Variants in ARHGAP24 observed in about 807,000 individuals in gnomAD.
ARHGAP24 encodes Rho GTPase activating protein 24.
In ARHGAP24, 50 loss-of-function variants were observed where a neutral mutation model predicts 76.4. The observed-to-expected ratio is 0.65, with a 90% CI of 0.52 to 0.83. The LOEUF (loss-of-function observed/expected upper bound fraction) is 0.83, where lower values mean the gene tolerates loss of function less well. Ranked by LOEUF, ARHGAP24 falls within the 40% of genes least tolerant of loss-of-function variation. The pLI is 0.00. For missense variants in ARHGAP24, 930 were observed against 914.2 expected (o/e 1.02, Z -0.22); for synonymous variants, 345 against 323.3 (o/e 1.07, Z -0.72).
intron 3 of ARHGAP24, among the ~76,000 whole-genome samples, chr4:85,899,046 T>C (rs925110278): frequency 6.6e-6 from 1 of 152,202 alleles, no homozygotes; most frequent in Non-Finnish European, 1.5e-5. Flanking sequence ...GCCCAGCCTG[T>C]GTATACATTT....
At chr4:85,504,224 C>G (rs945934453) in intron 1 of ARHGAP24, among the ~76,000 whole-genome samples, 9 of 152,120 alleles carry the variant, frequency 5.9e-5, no homozygotes, top group African/African-American at 1.2e-4. Flanking sequence ...CTGTAGATGT[C>G]TATTAGGTCT....
chr4:85,625,367 T>C (rs1479452115), intron 2 of ARHGAP24, among the ~76,000 whole-genome samples: 2 of 152,202 alleles, frequency 1.3e-5, no homozygotes, highest in Admixed American at 6.5e-5. Flanking sequence ...TCAGTTTCCA[T>C]GTAGTTGAGC....
At chr4:85,980,085 G>C (rs762388808) in intron 8 of ARHGAP24, among the ~76,000 whole-genome samples, 1 of 152,078 alleles carries the variant, frequency 6.6e-6, no homozygotes, top group Non-Finnish European at 1.5e-5. Context: ...CCTGGAATCA[G>C]TCAATTTCCA....
intron 3 of ARHGAP24, among the ~76,000 whole-genome samples, chr4:85,868,019 A>G (rs1901677): frequency 0.99 from 150,201 of 151,308 alleles, 74,563 homozygotes; most frequent in Middle Eastern, 1. Flanking sequence ...AGCCTCAGGA[A>G]GTCCTAAGAA....
intron 2 of ARHGAP24, among the ~76,000 whole-genome samples, chr4:85,633,226 C>T (rs1041891184): frequency 2.0e-5 from 3 of 151,828 alleles, no homozygotes; most frequent in Non-Finnish European, 2.9e-5. Context: ...CTCTCTTGCC[C>T]TCTTGATATG....
intron 2 of ARHGAP24, among the ~76,000 whole-genome samples, chr4:85,595,807 A>G (rs185212530): frequency 1.3e-5 from 2 of 152,190 alleles, no homozygotes; most frequent in East Asian, 1.9e-4. Flanking sequence ...AAGGAGTCTG[A>G]TAACTAATGC....
intron 2 of ARHGAP24, among the ~76,000 whole-genome samples, chr4:85,596,157 G>T (rs1326941262): frequency 6.6e-6 from 1 of 151,896 alleles, no homozygotes; most frequent in African/African-American, 2.4e-5. Flanking sequence ...ATGATGAGTA[G>T]AAACCAAATA....
intron 3 of ARHGAP24, among the ~76,000 whole-genome samples, chr4:85,865,292 G>C (rs1478077733): frequency 3.3e-5 from 5 of 151,746 alleles, no homozygotes; most frequent in Non-Finnish European, 7.4e-5. Flanking sequence ...CTAAAATTTT[G>C]TGAGTTGGCA....
intron 1 of ARHGAP24, among the ~76,000 whole-genome samples, chr4:85,545,913 A>G (rs1725904778): frequency 6.6e-6 from 1 of 152,204 alleles, no homozygotes; most frequent in Admixed American, 6.5e-5. Flanking sequence ...ATTCTACACT[A>G]GAAATTACAT....
intron 3 of ARHGAP24, among the ~76,000 whole-genome samples, chr4:85,764,296 C>G (rs1036631544): frequency 6.6e-6 from 1 of 152,026 alleles, no homozygotes; most frequent in Non-Finnish European, 1.5e-5. Context: ...TGTGAGGGCT[C>G]TCGTGTGGCA....
chr4:85,801,520 T>A (rs1234921192), intron 3 of ARHGAP24, among the ~76,000 whole-genome samples: 1 of 152,260 alleles, frequency 6.6e-6, no homozygotes, highest in Non-Finnish European at 1.5e-5. Flanking sequence ...AATTGAAATA[T>A]GTATATTTAC....
intron 5 of ARHGAP24, among the ~76,000 whole-genome samples, chr4:85,965,545 T>G (rs1346594090): frequency 6.6e-6 from 1 of 152,128 alleles, no homozygotes. Flanking sequence ...TGTTCAGATT[T>G]AAACTCGTGA....
chr4:85,627,193 T>A (rs540597318), intron 2 of ARHGAP24, among the ~76,000 whole-genome samples: 5 of 152,128 alleles, frequency 3.3e-5, no homozygotes, highest in Admixed American at 6.6e-5. Flanking sequence ...TTTTTCCCCA[T>A]CTTTGTGGTT....
At chr4:85,851,777 C>T (rs534936073) in intron 3 of ARHGAP24, among the ~76,000 whole-genome samples, 1 of 152,238 alleles carries the variant, frequency 6.6e-6, no homozygotes, top group African/African-American at 2.4e-5. Flanking sequence ...AATATTGGCC[C>T]CCACTCTCAT....
chr4:85,742,003 T>G (rs1239852040), intron 3 of ARHGAP24, among the ~76,000 whole-genome samples: 1 of 152,174 alleles, frequency 6.6e-6, no homozygotes, highest in African/African-American at 2.4e-5. Flanking sequence ...TGAAAGTCTG[T>G]GTTCTATTTG....
intron 3 of ARHGAP24, among the ~76,000 whole-genome samples, chr4:85,907,708 A>G (rs1734846951): frequency 6.6e-6 from 1 of 152,206 alleles, no homozygotes; most frequent in Non-Finnish European, 1.5e-5. Context: ...TTCCCTCATT[A>G]GACAGTAGAT....
At position 85,995,451 on chromosome 4, in the gene ARHGAP24, C is replaced by T. The variant is rs376980240; in HGVS notation, c.1797C>T (p.Asp599=). The T allele has an allele frequency of 4.4e-5, 71 of 1,606,826 alleles. No individual in the cohort carries two copies. The highest frequency in any genetic ancestry group is 3.2e-4 in the Admixed American group (19 of 59,652). ...CTGTTTTGGATGGGCCCCCGCAGGA[C>T]GACCTTTCCCACCCCAGGGACTATG... ...EDPVLDGPPQ[D]DLSHPRDYES... The change falls in exon 9 of 10, where the codon GAC becomes GAT. Residue 599 remains aspartate, a synonymous_variant. Transcript: ENST00000395184.
rs140342216 is a variant in ARHGAP24 at position 85,523,864 on chromosome 4, C to G, written c.-20-46658C>G. Among the ~76,000 whole-genome samples the G allele has an allele frequency of 3.9e-3, 588 of 151,634 alleles. 3 individuals carry two copies. Among genetic ancestry groups the G allele is most frequent in the African/African-American group, 0.013 (552 of 41,398 alleles). ...AGGCAAAATATTAAAAGAATGGATT[C>G]TATTGATTTCTTTACAACGGAGTTA... On this transcript the variant is annotated intron_variant, in intron 1 of 9. Transcript: ENST00000395184.
At chr4:85,684,426 A>G (rs948741093) in intron 2 of ARHGAP24, among the ~76,000 whole-genome samples, 2 of 152,126 alleles carry the variant, frequency 1.3e-5, no homozygotes, top group Non-Finnish European at 2.9e-5. Flanking sequence ...AAAATGCTAT[A>G]TGGTATAATA....
Sources: allele counts gnomAD v4.1 joint callset (sites outside exome capture counted in the v4.1 genomes callset), GRCh38; gene constraint gnomAD v4.1.1; transcripts MANE v1.5; gene names NCBI Gene and HGNC (gene_info 2026-07-23, HGNC 2026-07-21).